Variants in PRORP observed in about 807,000 individuals in gnomAD.
PRORP encodes protein only RNase P catalytic subunit, also known as mitochondrial ribonuclease P catalytic subunit.
In PRORP, 51 loss-of-function variants were observed where a neutral mutation model predicts 59.4. That is an observed-to-expected ratio of 0.86 (90% CI 0.69 to 1.08). PRORP has a LOEUF of 1.08. PRORP is among the 50% of genes least tolerant of loss of function. The pLI is 0.00. For synonymous variants in PRORP, 231 were observed against 245.6 expected (o/e 0.94, Z 0.55); for missense variants, 646 against 690.3 (o/e 0.94, Z 0.72).
chr14:35,180,017 T>C (rs1487501335), intron 4 of PRORP, among the ~76,000 whole-genome samples: 2 of 152,354 alleles, frequency 1.3e-5, no homozygotes, highest in South Asian at 4.1e-4. Context: ...CCTGTTTGCC[T>C]GGGTATCAGC....
intron 5 of PRORP, among the ~76,000 whole-genome samples, chr14:35,204,440 G>T (rs980575877): frequency 1.3e-5 from 2 of 152,058 alleles, no homozygotes; most frequent in Non-Finnish European, 2.9e-5. Context: ...TTAAGATATT[G>T]CTATGCTACA....
At chr14:35,168,441 T>A (rs2048237474) in intron 4 of PRORP, among the ~76,000 whole-genome samples, 1 of 152,208 alleles carries the variant, frequency 6.6e-6, no homozygotes, top group African/African-American at 2.4e-5. Context: ...ATTATTTAAT[T>A]GCTAGTTGAT....
chr14:35,189,238 TTTG>T (rs1248495827), intron 5 of PRORP, among the ~76,000 whole-genome samples: 2 of 152,106 alleles, frequency 1.3e-5, no homozygotes, highest in Non-Finnish European at 2.9e-5. Context: ...TTAAAGTATT[TTTG>T]TTGTTGTTGT....
At chr14:35,183,868 T>C (rs2048679469) in intron 5 of PRORP, among the ~76,000 whole-genome samples, 1 of 152,194 alleles carries the variant, frequency 6.6e-6, no homozygotes, top group Non-Finnish European at 1.5e-5. Flanking sequence ...CAAACTTTAA[T>C]GAAATAGTTC....
chr14:35,207,976 C>G (rs1196039818), intron 5 of PRORP, among the ~76,000 whole-genome samples: 2 of 152,088 alleles, frequency 1.3e-5, no homozygotes, highest in Non-Finnish European at 2.9e-5. Flanking sequence ...ATGGTGAAAC[C>G]CCGTCTCTCC....
At chr14:35,138,024 T>C (rs1203987961) in intron 4 of PRORP, among the ~76,000 whole-genome samples, 1 of 145,932 alleles carries the variant, frequency 6.9e-6, no homozygotes, top group Non-Finnish European at 1.5e-5. Context: ...CAGCAGAAAT[T>C]CATTTTCTCA....
At chr14:35,243,376 A>C (rs533078213) in intron 5 of PRORP, among the ~76,000 whole-genome samples, 2 of 151,898 alleles carry the variant, frequency 1.3e-5, no homozygotes, top group African/African-American at 2.4e-5. Flanking sequence ...CTCTATAAAA[A>C]AATACAAAAA....
intron 4 of PRORP, among the ~76,000 whole-genome samples, chr14:35,170,530 A>G (rs568179347): frequency 6.6e-6 from 1 of 152,320 alleles, no homozygotes; most frequent in South Asian, 2.1e-4. Context: ...TTCACATGAA[A>G]TATAAGAACA....
At chr14:35,198,987 C>T (rs544628019) in intron 5 of PRORP, among the ~76,000 whole-genome samples, 1 of 152,040 alleles carries the variant, frequency 6.6e-6, no homozygotes. Flanking sequence ...ACCAACATGG[C>T]GAAACCCTGT....
intron 4 of PRORP, among the ~76,000 whole-genome samples, chr14:35,151,856 C>T (rs2047758612): frequency 6.6e-6 from 1 of 151,224 alleles, no homozygotes; most frequent in African/African-American, 2.4e-5. Context: ...TTCTTAGTGT[C>T]AGGCTAAGAT....
At chr14:35,227,274 T>C (rs185029216) in intron 5 of PRORP, among the ~76,000 whole-genome samples, 18 of 151,536 alleles carry the variant, frequency 1.2e-4, no homozygotes, top group African/African-American at 3.9e-4. Context: ...AAACCCCGTC[T>C]CTACTAAAAA....
At chr14:35,180,487 C>G (rs1439822204) in intron 4 of PRORP, among the ~76,000 whole-genome samples, 183 bp from the exon 5 acceptor site, 1 of 150,274 alleles carries the variant, frequency 6.7e-6, no homozygotes, top group African/African-American at 2.4e-5. Context: ...GCAGTTGCAT[C>G]CATTAGACTG....
At chr14:35,150,696 G>A (rs1337280343) in intron 4 of PRORP, among the ~76,000 whole-genome samples, 3 of 152,118 alleles carry the variant, frequency 2.0e-5, no homozygotes, top group Non-Finnish European at 2.9e-5. Context: ...CTAAAGCCTA[G>A]CTGAGTTTGG....
intron 4 of PRORP, among the ~76,000 whole-genome samples, chr14:35,157,425 T>C (rs886617616): frequency 1.3e-5 from 2 of 152,190 alleles, no homozygotes; most frequent in Non-Finnish European, 2.9e-5. Context: ...CAAGAACTGA[T>C]TATTAAGTAC....
intron 5 of PRORP, among the ~76,000 whole-genome samples, chr14:35,228,631 A>G (rs1056894929): frequency 2.0e-5 from 3 of 152,202 alleles, no homozygotes; most frequent in African/African-American, 7.2e-5. Context: ...TGCGAAGGAC[A>G]TGATTTTGTT....
intron 5 of PRORP, among the ~76,000 whole-genome samples, chr14:35,193,634 A>ATTTTT (rs34186766): frequency 3.1e-5 from 4 of 129,868 alleles, no homozygotes; most frequent in Non-Finnish European, 5.0e-5. Context: ...TCCCGGGTGT[A>ATTTTT]TTTTTTTTTT....
chr14:35,269,422 A>G (rs2051130089), intron 6 of PRORP, among the ~76,000 whole-genome samples: 1 of 152,206 alleles, frequency 6.6e-6, no homozygotes, highest in Non-Finnish European at 1.5e-5. Context: ...CTCAGTTGTA[A>G]CGATCAATTC....
chr14:35,219,697 G>T (rs1231781939), intron 5 of PRORP, among the ~76,000 whole-genome samples: 1 of 152,192 alleles, frequency 6.6e-6, no homozygotes, highest in Non-Finnish European at 1.5e-5. Context: ...AACATTGCTA[G>T]TTAATTTATA....
chr14:35,263,696 T>G (rs188052445), intron 5 of PRORP, among the ~76,000 whole-genome samples: 1 of 151,846 alleles, frequency 6.6e-6, no homozygotes, highest in Admixed American at 6.6e-5. Flanking sequence ...TCAAAAAAAA[T>G]AATAATAATA....
Sources: allele counts gnomAD v4.1 joint callset (sites outside exome capture counted in the v4.1 genomes callset), GRCh38; gene constraint gnomAD v4.1.1; transcripts MANE v1.5; gene names NCBI Gene and HGNC (gene_info 2026-07-23, HGNC 2026-07-21).